The following ZNF207 variants were observed in gnomAD, a reference collection of about 807,000 sequenced individuals.
ZNF207 encodes BUB3-interacting and GLEBS motif-containing protein ZNF207.
ZNF207 carries 24 observed loss-of-function variants against 60.2 expected under a neutral mutation model. The observed-to-expected ratio is 0.40, with a 90% CI of 0.29 to 0.56. ZNF207 has a LOEUF of 0.56. ZNF207 is among the 20% of genes least tolerant of loss of function. ZNF207 has a pLI of 0.49. For synonymous variants in ZNF207, 236 were observed against 194.7 expected (o/e 1.21, Z -1.77); for missense variants, 452 against 636.6 (o/e 0.71, Z 3.12).
rs772462101 is a variant in ZNF207, at chr17:32,357,348, A to ATTT, written c.169-1153_169-1152insTTT. Among the ~76,000 whole-genome samples, 205 of 77,614 alleles carry ATTT rather than the reference A, an allele frequency of 2.6e-3. 2 individuals carry two copies. The highest frequency in any genetic ancestry group is 6.5e-3 in the South Asian group (15 of 2,292). 50.9% of individuals were successfully genotyped at this position (77,614 alleles called of 152,430 possible). A position where few individuals can be genotyped will look rare whatever the true frequency, so the allele number is the denominator to read the frequency against. On this transcript the variant is annotated intron_variant, in intron 2 of 11. Transcript: ENST00000394670. ...TATTATTATTATTATTATTATTATT[A>ATTT]TTATTTTTTTTTTTTTTTGAGACAG...
intron 2 of ZNF207, among the ~76,000 whole-genome samples, chr17:32,355,945 G>A (rs1169371659): frequency 1.3e-5 from 2 of 152,200 alleles, no homozygotes; most frequent in African/African-American, 2.4e-5. Flanking sequence ...GGGAGAGGAA[G>A]CGAAGGCATT....
intron 1 of ZNF207, chr17:32,351,579 T>G: frequency 6.5e-7 from 1 of 1,534,066 alleles, no homozygotes; most frequent in East Asian, 2.4e-5. Flanking sequence ...TTTGGGGTGG[T>G]GAAGAGAGCT....
In ZNF207 at chr17:32,372,450, T is replaced by C. The variant is rs974207135; in HGVS notation, c.*2691T>C. 4 of 152,238 alleles carry C rather than the reference T, an allele frequency of 2.6e-5. No individual in the cohort carries two copies. The highest frequency in any genetic ancestry group is 5.9e-5 in the Non-Finnish European group (4 of 68,032). The allele number at this position is 152,238 out of a possible 1,614,324, so 9.4% of individuals were successfully genotyped here. On this transcript the variant is annotated 3_prime_UTR_variant, in exon 12 of 12. Coordinates refer to ENST00000394670, the MANE Select transcript of ZNF207 (RefSeq NM_001098507.2). Reference sequence around the variant, plus strand: ...ATTATGTGAAGCTTTATTTGCATTTTATGCAAAGAAGGTTGATACTTTGTA... The same window carrying C: ...ATTATGTGAAGCTTTATTTGCATTTCATGCAAAGAAGGTTGATACTTTGTA...
chr17:32,352,980 C>T (rs1308571655), intron 2 of ZNF207, among the ~76,000 whole-genome samples: 1 of 152,186 alleles, frequency 6.6e-6, no homozygotes, highest in Non-Finnish European at 1.5e-5. Context: ...TTCAAGACAG[C>T]CTGACCAACA....
rs1286884430 is a variant in ZNF207 at position 32,365,483 on chromosome 17, G to A, written c.824G>A (p.Gly275Glu). The change falls in exon 8 of 12, where the codon GGA (glycine) becomes GAA (glutamate). Residue 275 changes from glycine (G) to glutamate (E), a missense_variant. Gly to Glu is a moderately conservative substitution (Grantham distance 98). This residue lies in a region of ZNF207 where 390 missense variants were observed against 461.4 expected (regional missense o/e 0.85). Coordinates refer to ENST00000394670, the MANE Select transcript of ZNF207 (RefSeq NM_001098507.2). Reference sequence around the variant, plus strand: ...ACTAAGCCTCTTTTCCCCAGTGCTGGACAGGTAAGGTGAAAATCCTGAAAA... The same window carrying A: ...ACTAAGCCTCTTTTCCCCAGTGCTGAACAGGTAAGGTGAAAATCCTGAAAA... Reference protein sequence around the residue: ...PVTKPLFPSAGQMGTPVTSSS... With the variant: ...PVTKPLFPSAEQMGTPVTSSS... The A allele has an allele frequency of 3.1e-6, 5 of 1,613,768 alleles. No homozygotes were observed. Among genetic ancestry groups the A allele is most frequent in the African/African-American group, 1.3e-5 (1 of 74,880 alleles).
rs1905707508 is a variant in ZNF207 at position 32,377,253 on chromosome 17, T to G, written c.*7494T>G. 1 of 152,020 alleles carries G rather than the reference T, an allele frequency of 6.6e-6. No individual in the cohort carries two copies. Among genetic ancestry groups the G allele is most frequent in the African/African-American group, 2.4e-5 (1 of 41,444 alleles). 9.4% of individuals were successfully genotyped at this position (152,020 alleles called of 1,614,324 possible). A position where few individuals can be genotyped will look rare whatever the true frequency, so the allele number is the denominator to read the frequency against. ...CACCATAGTATTTTAATGTAGCTTC[T>G]TATTAAAATTTTATTCATAAATAGT... On this transcript the variant is annotated 3_prime_UTR_variant, in exon 12 of 12. Coordinates refer to ENST00000394670, the MANE Select transcript of ZNF207 (RefSeq NM_001098507.2).
rs1372970434 is a variant in ZNF207 at position 32,373,641 on chromosome 17, A to G, written c.*3882A>G. On this transcript the variant is annotated 3_prime_UTR_variant, in exon 12 of 12. Transcript: ENST00000394670. ...ACGTTTGACTGTGGTGTTAATAAAC[A>G]TAAGTATTTCATATGCAATTTTATG... The G allele has an allele frequency of 5.2e-6, 2 of 386,684 alleles. No individual in the cohort carries two copies. The highest frequency in any genetic ancestry group is 9.1e-6 in the Non-Finnish European group (2 of 219,798). The allele number at this position is 386,684 out of a possible 1,614,324, so 24.0% of individuals were successfully genotyped here.
At chr17:32,351,717 TATC>T in intron 1 of ZNF207, 66 bp from the exon 2 acceptor site, 1 of 1,611,132 alleles carries the variant, frequency 6.2e-7, no homozygotes, top group Non-Finnish European at 8.5e-7. Flanking sequence ...ATTGTAATGT[TATC>T]CATATGTTTT....
chr17:32,360,592 T>A lies in ZNF207; in HGVS notation c.308-6T>A. 3 of 1,584,156 alleles carry A rather than the reference T, an allele frequency of 1.9e-6. No homozygotes were observed. The highest frequency in any genetic ancestry group is 2.6e-6 in the Non-Finnish European group (3 of 1,171,100). On this transcript the variant is annotated splice_region_variant and splice_polypyrimidine_tract_variant and intron_variant, in intron 3 of 11. Transcript: ENST00000394670. ...CTCTATGGAAATAATTTTTTTTTTT[T>A]AACAGAAAGTCAAAAAAAGAAGCAA...
Position 32,380,292 on chromosome 17 carries a change from A to G in ZNF207, c.*10533A>G, listed in dbSNP as rs952396618. On this transcript the variant is annotated 3_prime_UTR_variant, in exon 12 of 12. Coordinates refer to ENST00000394670, the MANE Select transcript of ZNF207 (RefSeq NM_001098507.2). ...TTTAAAAGTGAGCAATAATTATTGC[A>G]TCTCTTTTGCGACTTCATGTAGATG... The G allele has an allele frequency of 6.6e-6, 1 of 152,632 alleles. No homozygotes were observed. Among genetic ancestry groups the G allele is most frequent in the Non-Finnish European group, 1.5e-5 (1 of 68,044 alleles). 9.5% of individuals were successfully genotyped at this position (152,632 alleles called of 1,614,324 possible).
intron 2 of ZNF207, among the ~76,000 whole-genome samples, chr17:32,353,159 GT>G (rs1904311744): frequency 1.3e-5 from 2 of 152,114 alleles, no homozygotes; most frequent in South Asian, 2.1e-4. Context: ...GGGCAACAGG[GT>G]GAGACTCTGT....
Position 32,380,511 on chromosome 17 carries a change from C to T in ZNF207, c.*10752C>T, listed in dbSNP as rs1451436972. 1 of 152,038 alleles carries T rather than the reference C, an allele frequency of 6.6e-6. No homozygotes were observed. Among genetic ancestry groups the T allele is most frequent in the Non-Finnish European group, 1.5e-5 (1 of 68,010 alleles). The allele number at this position is 152,038 out of a possible 1,614,324, so 9.4% of individuals were successfully genotyped here. A position where few individuals can be genotyped will look rare whatever the true frequency, so the allele number is the denominator to read the frequency against. Reference sequence around the variant, plus strand: ...ATTATTTCAGTGTCCCTTTTTAAAACTCGATGATGGCTTTCAGTTTATTTA... The same window carrying T: ...ATTATTTCAGTGTCCCTTTTTAAAATTCGATGATGGCTTTCAGTTTATTTA... On this transcript the variant is annotated 3_prime_UTR_variant, in exon 12 of 12. Transcript: ENST00000394670.
At chr17:32,362,425 A>G (rs1234056316) in intron 6 of ZNF207, among the ~76,000 whole-genome samples, 1 of 152,112 alleles carries the variant, frequency 6.6e-6, no homozygotes, top group Non-Finnish European at 1.5e-5. Flanking sequence ...GCCTCTCAAA[A>G]CTTCTGGGAT....
In ZNF207 at chr17:32,357,411, C is replaced by T. The variant is rs193230586; in HGVS notation, c.169-1092C>T. ...TTGCCCAGGCTAGAGTGCCGTGGCA[C>T]GGTCTCGGCTCACTGTAACCTCTGC... is the stretch of plus-strand genomic sequence containing the variant. On this transcript the variant is annotated intron_variant, in intron 2 of 11. Transcript: ENST00000394670. Among the ~76,000 whole-genome samples the T allele has an allele frequency of 7.8e-3, 1,139 of 145,960 alleles. 17 individuals are homozygous for T. Among genetic ancestry groups the T allele is most frequent in the African/African-American group, 0.028 (1,085 of 39,180 alleles).
intron 2 of ZNF207, among the ~76,000 whole-genome samples, chr17:32,357,253 T>C (rs1342553354): frequency 6.6e-6 from 1 of 150,916 alleles, no homozygotes; most frequent in Non-Finnish European, 1.5e-5. Flanking sequence ...AATGTAACTT[T>C]TCTAGTTTGT....
intron 9 of ZNF207, among the ~76,000 whole-genome samples, chr17:32,367,282 T>TATATATATATATATATATAAAA (rs1445385221): frequency 2.4e-5 from 2 of 82,860 alleles, no homozygotes; most frequent in Non-Finnish European, 4.4e-5. Context: ...TATATATATA[T>TATATATATATATATATATAAAA]ATAAAGAATA....
rs778799939 is a variant in ZNF207, at chr17:32,365,287, A to G, written c.671-43A>G. ...ATAGAAGCGTTTTTTTCCACACTAA[A>G]TTTTTCAGTGACTCAATTTCCCCAA... On this transcript the variant is annotated intron_variant, in intron 7 of 11. Coordinates refer to ENST00000394670, the MANE Select transcript of ZNF207 (RefSeq NM_001098507.2). The G allele has an allele frequency of 2.3e-5, 37 of 1,584,078 alleles. No homozygotes were observed. The Admixed American group carries it at 6.4e-4, about 27-fold the overall frequency.
intron 10 of ZNF207, 115 bp downstream of exon 10, chr17:32,368,129 C>A: frequency 1.4e-6 from 2 of 1,426,498 alleles, no homozygotes; most frequent in Non-Finnish European, 1.9e-6. Context: ...TGGTTTAATG[C>A]TCACTAAGTG....
intron 10 of ZNF207, chr17:32,368,335 G>T: frequency 3.4e-6 from 1 of 290,384 alleles, no homozygotes; most frequent in Non-Finnish European, 6.5e-6. Context: ...TAAACGTTAA[G>T]TGTGAAGTAG....
Sources: allele counts gnomAD v4.1 joint callset (sites outside exome capture counted in the v4.1 genomes callset), GRCh38; gene constraint gnomAD v4.1.1; regional missense constraint gnomAD v4.1.1; transcripts MANE v1.5; gene names NCBI Gene and HGNC (gene_info 2026-07-23, HGNC 2026-07-21).